TMEM269: variants seen among roughly 807,000 people sequenced by gnomAD.
The protein encoded by TMEM269 is transmembrane protein 269.
Under a neutral mutation model 15.8 loss-of-function variants are expected in TMEM269, and 12 were observed. The ratio of observed to expected loss-of-function variants is 0.76; its 90% CI spans 0.49 to 1.23. The LOEUF is 1.23. TMEM269 is among the 50% of genes most tolerant of loss of function. The pLI is 0.00. For synonymous variants in TMEM269, 93 were observed against 99.3 expected (o/e 0.94, Z 0.38); for missense variants, 211 against 245.4 (o/e 0.86, Z 0.94).
chr1:42,791,003 G>T (rs915368516), intron 2 of TMEM269, among the ~76,000 whole-genome samples: 3 of 152,104 alleles, frequency 2.0e-5, no homozygotes, highest in Non-Finnish European at 4.4e-5. Flanking sequence ...CTTTTAGAGG[G>T]ACCTGAGAGC....
chr1:42,795,716 G>A (rs946095198), intron 5 of TMEM269, among the ~76,000 whole-genome samples: 1 of 152,126 alleles, frequency 6.6e-6, no homozygotes, highest in African/African-American at 2.4e-5. Flanking sequence ...CCCTGATTTA[G>A]GGCTTCCTTC....
Position 42,794,507 on chromosome 1 carries a change from C to T in TMEM269, c.378C>T (p.Leu126=). The T allele has an allele frequency of 6.4e-7, 1 of 1,550,768 alleles. No individual in the cohort carries two copies. Among genetic ancestry groups the T allele is most frequent in the Non-Finnish European group, 8.7e-7 (1 of 1,146,998 alleles). ...SLLTKGNRFI[L]CCMASLMILF... The stretch of plus-strand genomic sequence containing the variant: ...TGACCAAAGGCAACAGGTTCATCCT[C>T]TGCTGCATGGCCTCACTCATGATTC... Residue 126 remains leucine, a synonymous_variant, in exon 5 of 6, where the codon CTC becomes CTT. Coordinates refer to ENST00000637012, the MANE Select transcript of TMEM269 (RefSeq NM_001354602.2).
intron 1 of TMEM269, among the ~76,000 whole-genome samples, chr1:42,785,837 C>T (rs953049599): frequency 6.6e-6 from 1 of 152,222 alleles, no homozygotes; most frequent in Non-Finnish European, 1.5e-5. Context: ...GTGGAACCTT[C>T]CCCTGCCCCA....
At chr1:42,789,212 C>G (rs1653602964) in intron 1 of TMEM269, 1 of 559,220 alleles carries the variant, frequency 1.8e-6, no homozygotes, top group Non-Finnish European at 3.2e-6. Context: ...CATGAGCCAC[C>G]GTGTCCGGCT....
Position 42,798,662 on chromosome 1 carries a change from G to A in TMEM269, c.*437G>A, listed in dbSNP as rs1009069921. On this transcript the variant is annotated 3_prime_UTR_variant, in exon 6 of 6. Coordinates refer to ENST00000637012, the MANE Select transcript of TMEM269 (RefSeq NM_001354602.2). ...CTTGCAGACTCTGGCTCTGAGAGTA[G>A]AGCCAATCACAGGACTCTCTTGTTG... 1.3e-5 allele frequency: 2 copies of A among 157,598 alleles called. No homozygotes were observed. The highest frequency in any genetic ancestry group is 4.9e-5 in the African/African-American group (2 of 40,734). 9.8% of individuals were successfully genotyped at this position (157,598 alleles called of 1,614,324 possible). A position where few individuals can be genotyped will look rare whatever the true frequency, so the allele number is the denominator to read the frequency against.
rs1479347624 is a variant in TMEM269, at chr1:42,798,919, A to G, written c.*694A>G. ...CCACCTCGCCCGGCTAATTTTTTGT[A>G]TTTTTAGTAGAGACGGGGGTTTCAC... On this transcript the variant is annotated 3_prime_UTR_variant, in exon 6 of 6. Transcript: ENST00000637012. 6.6e-6 allele frequency: 1 copy of G among 151,038 alleles called. No individual in the cohort carries two copies. The highest frequency in any genetic ancestry group is 1.5e-5 in the Non-Finnish European group (1 of 67,786). The allele number at this position is 151,038 out of a possible 1,614,324, so 9.4% of individuals were successfully genotyped here.
chr1:42,785,389 C>T (rs1402797294), intron 1 of TMEM269, among the ~76,000 whole-genome samples: 1 of 152,136 alleles, frequency 6.6e-6, no homozygotes, highest in Non-Finnish European at 1.5e-5. Context: ...TGGATGGTTT[C>T]ACTCCGCGGA....
intron 5 of TMEM269, among the ~76,000 whole-genome samples, chr1:42,795,565 G>A (rs972483286): frequency 2.6e-5 from 4 of 152,178 alleles, no homozygotes; most frequent in African/African-American, 4.8e-5. Flanking sequence ...TGAGATAAAT[G>A]TTGGAAATAG....
At chr1:42,795,684 G>A (rs909116172) in intron 5 of TMEM269, among the ~76,000 whole-genome samples, 1 of 152,212 alleles carries the variant, frequency 6.6e-6, no homozygotes, top group Non-Finnish European at 1.5e-5. Flanking sequence ...CTGGGGCCTT[G>A]CAGACGTCTC....
Position 42,792,882 on chromosome 1 carries a change from T to C in TMEM269, c.119T>C (p.Ile40Thr), listed in dbSNP as rs1653722635. The part of the protein sequence containing the change: ...DMAVRAMTSH[I>T]NICSKLGAEL... The stretch of plus-strand genomic sequence containing the variant: ...GCAGTCAGGGCAATGACCAGCCACA[T>C]CAACATATGCTCCAAATTGGGTGAG... The change falls in exon 3 of 6, where the codon ATC becomes ACC. Residue 40 changes from isoleucine to threonine, a missense_variant. By Grantham distance (89) the Ile-to-Thr change is moderately conservative. Transcript: ENST00000637012. The C allele has an allele frequency of 3.2e-6, 5 of 1,550,546 alleles. No homozygotes were observed. The highest frequency in any genetic ancestry group is 4.4e-6 in the Non-Finnish European group (5 of 1,146,996).
intron 1 of TMEM269, 95 bp downstream of exon 1, chr1:42,785,177 C>T (rs192714294): frequency 6.6e-6 from 1 of 152,264 alleles, no homozygotes; most frequent in Non-Finnish European, 1.5e-5. Flanking sequence ...GTGGTCGCGG[C>T]TGAAGCCGGG....
chr1:42,790,153 A>G (rs1380977391), intron 2 of TMEM269, among the ~76,000 whole-genome samples: 1 of 152,186 alleles, frequency 6.6e-6, no homozygotes, highest in African/African-American at 2.4e-5. Context: ...GAGAAAGTCA[A>G]TAGATTCTGT....
intron 1 of TMEM269, among the ~76,000 whole-genome samples, chr1:42,785,607 T>C (rs1393183454): frequency 6.6e-6 from 1 of 152,088 alleles, no homozygotes; most frequent in Non-Finnish European, 1.5e-5. Context: ...CTCTGCTCCC[T>C]TACTGAACAC....
chr1:42,796,861 T>C (rs1653798555), intron 5 of TMEM269: 1 of 152,178 alleles, frequency 6.6e-6, no homozygotes, highest in African/African-American at 2.4e-5. Flanking sequence ...TGTTCTGATT[T>C]CTCTTACAGG....
rs1006353356 is a variant in TMEM269, at chr1:42,788,552, G to C, written c.-98-1244G>C. ...GCAGGGCCAGCCAATTCCCTGTTGT[G>C]GGAGAGACTGGGAGAGACTGGGAGC... On this transcript the variant is annotated intron_variant, in intron 1 of 5. Transcript: ENST00000637012. This position sits in a 1 kb window ranked among gnomAD's most constrained non-coding sequence, Gnocchi z 4.0. Among the ~76,000 whole-genome samples the C allele has an allele frequency of 1.4e-4, 22 of 152,076 alleles. No individual in the cohort carries two copies. Among genetic ancestry groups the C allele is most frequent in the Non-Finnish European group, 3.2e-4 (22 of 68,004 alleles).
chr1:42,795,467 T>C (rs1051543546), intron 5 of TMEM269, among the ~76,000 whole-genome samples: 2 of 152,188 alleles, frequency 1.3e-5, no homozygotes, highest in African/African-American at 4.8e-5. Context: ...GAACAGATTG[T>C]AGGTCTGAGA....
rs1557592476 is a variant in TMEM269, at chr1:42,792,814, CTAT to C, written c.52_54del (p.Tyr18del). Reference sequence around the variant, plus strand: ...CTGGCCTGCACTTTAGGAAATGCCACTATGCCTCCCGGATGCTCCTGGTCAGCT... The same window carrying C: ...CTGGCCTGCACTTTAGGAAATGCCACGCCTCCCGGATGCTCCTGGTCAGCT... On this transcript the variant is annotated inframe_deletion, in exon 3 of 6. Transcript: ENST00000637012. 9.7e-6 allele frequency: 15 copies of C among 1,550,530 alleles called. No individual in the cohort carries two copies. Among genetic ancestry groups the C allele is most frequent in the Non-Finnish European group, 1.2e-5 (14 of 1,146,920 alleles).
rs1354388990 is a variant in TMEM269, at chr1:42,789,939, G to T, written c.41+5G>T. On this transcript the variant is annotated splice_donor_5th_base_variant and intron_variant, in intron 2 of 5. Transcript: ENST00000637012. ...CATCATCTTCAGCTTCAGCAGGTAG[G>T]TCTGGGGCCCAGCAAGCTCTTAGCC... The T allele has an allele frequency of 3.2e-6, 5 of 1,548,848 alleles. No individual in the cohort carries two copies. In the African/African-American group the frequency reaches 6.8e-5, roughly 21 times the overall value.
At chr1:42,796,485 C>T (rs1008448556) in intron 5 of TMEM269, 6 of 151,776 alleles carry the variant, frequency 4.0e-5, no homozygotes, top group Non-Finnish European at 5.9e-5. Flanking sequence ...CACAGAGCTT[C>T]GTACGTCTGA....
Sources: allele counts gnomAD v4.1 joint callset (sites outside exome capture counted in the v4.1 genomes callset), GRCh38; gene constraint gnomAD v4.1.1; non-coding constraint Gnocchi (gnomAD v3.1); transcripts MANE v1.5; gene names NCBI Gene and HGNC (gene_info 2026-07-23, HGNC 2026-07-21).